CNTN4: variants seen among roughly 807,000 people sequenced by gnomAD.
CNTN4 encodes contactin-4.
CNTN4 carries 77 observed loss-of-function variants against 122.5 expected under a neutral mutation model. The observed-to-expected ratio is 0.63, with a 90% CI of 0.52 to 0.76. The LOEUF (loss-of-function observed/expected upper bound fraction) is 0.76. Among genes scored for constraint, CNTN4 ranks in the 30% least tolerant of loss-of-function variants. The probability of loss-of-function intolerance (pLI) is 0.00; values close to 1 mark genes in which losing one functional copy is unlikely to be tolerated. For missense variants in CNTN4, 1,256 were observed against 1,259.1 expected, an observed-to-expected ratio of 1.00 and a Z score of 0.04; for synonymous variants, 512 against 447.0, an observed-to-expected ratio of 1.15 and a Z score of -1.83.
At chr3:2,943,631 T>TATA (rs58830808) in intron 13 of CNTN4, among the ~76,000 whole-genome samples, 5,340 of 37,068 alleles carry the variant, frequency 0.14, 119 homozygotes, top group East Asian at 0.33. Flanking sequence ...TATATATATA[T>TATA]TTTTTTTTTT....
intron 2 of CNTN4, among the ~76,000 whole-genome samples, chr3:2,297,696 G>A (rs2150045955): frequency 6.6e-6 from 1 of 152,142 alleles, no homozygotes; most frequent in East Asian, 1.9e-4. Flanking sequence ...TGGTTTGCTT[G>A]TTTTTGTGTG....
At chr3:2,493,661 T>G (rs902388031) in intron 3 of CNTN4, among the ~76,000 whole-genome samples, 2 of 152,060 alleles carry the variant, frequency 1.3e-5, no homozygotes, top group African/African-American at 4.8e-5. Context: ...ACTTTAATAA[T>G]AGAACACCAA....
chr3:2,555,140 AT>A (rs2078668353), intron 3 of CNTN4, among the ~76,000 whole-genome samples: 2 of 152,172 alleles, frequency 1.3e-5, no homozygotes, highest in Non-Finnish European at 1.5e-5. Context: ...ATCTATATAG[AT>A]TGTCATATGC....
intron 3 of CNTN4, among the ~76,000 whole-genome samples, chr3:2,398,619 T>A (rs1029151370): frequency 6.6e-6 from 1 of 152,136 alleles, no homozygotes; most frequent in Non-Finnish European, 1.5e-5. Flanking sequence ...TAGGGTAGAT[T>A]TAGACCTGAA....
chr3:2,821,071 C>T (rs979093340), intron 7 of CNTN4, among the ~76,000 whole-genome samples: 1 of 147,640 alleles, frequency 6.8e-6, no homozygotes, highest in African/African-American at 2.5e-5. Context: ...AATCGATTCT[C>T]ATGCCTCAGC....
At chr3:2,707,552 T>A (rs1042596875) in intron 4 of CNTN4, among the ~76,000 whole-genome samples, 2 of 152,316 alleles carry the variant, frequency 1.3e-5, no homozygotes, top group South Asian at 2.1e-4. Context: ...CACACTAGAA[T>A]TTATCTTTTG....
chr3:3,042,346 G>A lies in CNTN4; in HGVS notation c.2435G>A (p.Ser812Asn). Residue 812 changes from serine to asparagine, a missense_variant, in exon 21 of 25, where the codon AGT becomes AAT. Coordinates refer to ENST00000418658, the MANE Select transcript of CNTN4 (RefSeq NM_175607.3). ...TKPPASIFAR[S>N]LSATDIEVFW... Reference sequence around the variant, plus strand: ...CCACCAGCCAGTATCTTTGCCAGAAGTCTTTCTGCCACAGATATTGAAGTT... The same window carrying A: ...CCACCAGCCAGTATCTTTGCCAGAAATCTTTCTGCCACAGATATTGAAGTT... 1 of 1,614,114 alleles carries A rather than the reference G, an allele frequency of 6.2e-7. No individual in the cohort carries two copies. Among genetic ancestry groups the A allele is most frequent in the Non-Finnish European group, 8.5e-7 (1 of 1,179,990 alleles).
chr3:2,261,573 A>T (rs1227456177), intron 2 of CNTN4, among the ~76,000 whole-genome samples: 1 of 152,206 alleles, frequency 6.6e-6, no homozygotes, highest in Non-Finnish European at 1.5e-5. Context: ...GTAACTTGCT[A>T]CATTTGCCAT....
chr3:2,804,091 A>ACACACACACACACT (rs765327201), intron 6 of CNTN4, among the ~76,000 whole-genome samples: 6 of 144,104 alleles, frequency 4.2e-5, no homozygotes, highest in Non-Finnish European at 7.7e-5. Context: ...ACACACACAC[A>ACACACACACACACT]CACACACGTA....
At chr3:2,786,723 T>A (rs1270548190) in intron 6 of CNTN4, among the ~76,000 whole-genome samples, 2 of 152,106 alleles carry the variant, frequency 1.3e-5, no homozygotes, top group East Asian at 3.9e-4. Flanking sequence ...GAGCCAAGAG[T>A]GGCTCAGCTT....
At chr3:2,612,982 C>T (rs1454964368) in intron 4 of CNTN4, among the ~76,000 whole-genome samples, 1 of 152,126 alleles carries the variant, frequency 6.6e-6, no homozygotes, top group East Asian at 1.9e-4. Flanking sequence ...TCTTAGGGTG[C>T]TGCATGTGAG....
chr3:2,150,173 T>C (rs559015540), intron 2 of CNTN4, among the ~76,000 whole-genome samples: 97 of 152,308 alleles, frequency 6.4e-4, no homozygotes, highest in African/African-American at 2.3e-3. Context: ...GCATATGCTC[T>C]AGAGCAAAGT....
At chr3:2,743,775 C>A (rs552864067) in intron 5 of CNTN4, among the ~76,000 whole-genome samples, 1 of 152,038 alleles carries the variant, frequency 6.6e-6, no homozygotes, top group African/African-American at 2.4e-5. Flanking sequence ...TGGACAATTC[C>A]GTAGGAGATT....
intron 2 of CNTN4, among the ~76,000 whole-genome samples, chr3:2,101,250 T>G (rs2031927963): frequency 6.6e-6 from 1 of 152,212 alleles, no homozygotes; most frequent in Non-Finnish European, 1.5e-5. Flanking sequence ...ACTAAATCTT[T>G]TGGCTGCAGT....
chr3:2,697,370 G>A (rs990215809), intron 4 of CNTN4, among the ~76,000 whole-genome samples: 2 of 152,050 alleles, frequency 1.3e-5, no homozygotes, highest in Admixed American at 1.3e-4. Context: ...CAGTCCATTT[G>A]TTTTTTTCTG....
Position 2,376,102 on chromosome 3 carries a change from A to T in CNTN4, c.-89+36869A>T, listed in dbSNP as rs546217425. On this transcript the variant is annotated intron_variant, in intron 3 of 24. Transcript: ENST00000418658. ...TGAAATAAACACTTACTATTCTGTT[A>T]CAAGGTAACAATAGAGTGCTAATTG... Among the ~76,000 whole-genome samples, 3 of 152,298 alleles carry T rather than the reference A, an allele frequency of 2.0e-5. No homozygotes were observed. The East Asian group carries it at 5.8e-4, about 29-fold the overall frequency.
Position 2,868,101 on chromosome 3 carries a change from C to T in CNTN4, c.652+1152C>T, listed in dbSNP as rs552357382. ...GATCTTCTATTATGAACAGGAATGA[C>T]GAGACCCATCACACAAGTGAGGATA... On this transcript the variant is annotated intron_variant, in intron 8 of 24. Transcript: ENST00000418658. 4.6e-5 allele frequency among the ~76,000 whole-genome samples: 7 copies of T among 152,218 alleles called. No homozygotes were observed. The South Asian group carries it at 6.2e-4, about 14-fold the overall frequency.
intron 6 of CNTN4, among the ~76,000 whole-genome samples, chr3:2,776,968 T>TTTTTG (rs138093272): frequency 0.064 from 9,774 of 151,842 alleles, 393 homozygotes; most frequent in Non-Finnish European, 0.091. Context: ...ACCATGCATC[T>TTTTTG]TTTTGTTTTG....
At chr3:2,524,508 G>T (rs951363689) in intron 3 of CNTN4, among the ~76,000 whole-genome samples, 1 of 152,074 alleles carries the variant, frequency 6.6e-6, no homozygotes. Flanking sequence ...CAGAACCGAA[G>T]ATTTTAACCA....
Sources: gnomAD v4.1 joint callset for allele counts (sites outside exome capture counted in the v4.1 genomes callset) on GRCh38, gnomAD v4.1.1 for gene constraint, MANE v1.5 for transcripts, NCBI Gene and HGNC (gene_info 2026-07-23, HGNC 2026-07-21) for gene names.